USP4: variants seen among roughly 807,000 people sequenced by gnomAD.
USP4 encodes ubiquitin carboxyl-terminal hydrolase 4.
In USP4, 72 loss-of-function variants were observed where a neutral mutation model predicts 118.2. That is an observed-to-expected ratio of 0.61 (90% confidence interval 0.50 to 0.74). USP4 has a LOEUF of 0.74. Ranked by LOEUF, USP4 falls within the 30% of genes least tolerant of loss-of-function variation. The pLI, the probability that USP4 is intolerant of heterozygous loss-of-function variation, is 0.00. For synonymous variants in USP4, 415 were observed against 440.4 expected, an observed-to-expected ratio of 0.94 and a Z score of 0.72; for missense variants, 1,037 against 1,185.7, an observed-to-expected ratio of 0.87 and a Z score of 1.84.
At chr3:49,281,369 T>C (rs1187998494) in intron 19 of USP4, among the ~76,000 whole-genome samples, 3 of 151,566 alleles carry the variant, frequency 2.0e-5, no homozygotes, top group Admixed American at 1.3e-4. Context: ...GGCAGGAGAA[T>C]GGCGTGAACC....
intron 15 of USP4, among the ~76,000 whole-genome samples, 153 bp from the exon 16 acceptor site, chr3:49,286,478 T>C (rs2047091813): frequency 6.6e-6 from 1 of 152,180 alleles, no homozygotes; most frequent in African/African-American, 2.4e-5. Flanking sequence ...TGAATTCACA[T>C]GTGACTCTCA....
intron 12 of USP4, 52 bp from the exon 13 acceptor site, chr3:49,298,016 C>T (rs1320911757): frequency 1.7e-6 from 2 of 1,198,750 alleles, no homozygotes; most frequent in Admixed American, 1.8e-5. Context: ...AGTGCCCCTA[C>T]TAACTGCTTA....
At chr3:49,331,969 C>CAAAA (rs35594824) in intron 2 of USP4, among the ~76,000 whole-genome samples, 1 of 105,870 alleles carries the variant, frequency 9.4e-6, no homozygotes. Flanking sequence ...CCCATCTCTA[C>CAAAA]AAAAAAAAAA....
Position 49,278,248 on chromosome 3 carries a change from G to A in USP4, c.*45C>T, listed in dbSNP as rs1167099086. The A allele has an allele frequency of 2.5e-6, 4 of 1,594,474 alleles. No homozygotes were observed. The South Asian group carries it at 4.5e-5, about 18-fold the overall frequency. ...CAGAGTGTCAAAGATGTTCTCCTGG[G>A]GGATTACACTGGCGCTACAGGGTGG... On this transcript the variant is annotated 3_prime_UTR_variant, in exon 22 of 22. Transcript: ENST00000265560.
Position 49,302,262 on chromosome 3 carries a change from C to T in USP4, c.1287+122G>A. The T allele has an allele frequency of 3.7e-6, 4 of 1,083,440 alleles. No homozygotes were observed. In the South Asian group the frequency reaches 7.1e-5, roughly 19 times the overall value. 67.1% of individuals were successfully genotyped at this position (1,083,440 alleles called of 1,614,324 possible). A position where few individuals can be genotyped will look rare whatever the true frequency, so the allele number is the denominator to read the frequency against. On this transcript the variant is annotated intron_variant, in intron 10 of 21. Transcript: ENST00000265560. ...CCAGAGACCATATCCCTATAACTAG[C>T]TACAGTGAGAAGCAACCAGGGCCCT...
chr3:49,280,020 G>C (rs1245196641), intron 20 of USP4, among the ~76,000 whole-genome samples: 1 of 152,188 alleles, frequency 6.6e-6, no homozygotes, highest in Non-Finnish European at 1.5e-5. Context: ...CCAACACTTT[G>C]GGAGGCCAAG....
intron 13 of USP4, among the ~76,000 whole-genome samples, chr3:49,296,908 G>T (rs1415994441): frequency 1.3e-5 from 2 of 152,200 alleles, no homozygotes; most frequent in Non-Finnish European, 2.9e-5. Flanking sequence ...TGTGAAAGTG[G>T]ACTTTCCCAT....
At chr3:49,329,298 T>C (rs2107801993) in intron 2 of USP4, among the ~76,000 whole-genome samples, 1 of 152,326 alleles carries the variant, frequency 6.6e-6, no homozygotes, top group East Asian at 1.9e-4. Context: ...CCCACTGATG[T>C]CTTGAGCCCG....
chr3:49,296,037 A>C lies in USP4; in HGVS notation c.1692-1439T>G, dbSNP rs537637516. 4.6e-5 allele frequency among the ~76,000 whole-genome samples: 7 copies of C among 152,340 alleles called. No homozygotes were observed. The South Asian group carries it at 1.4e-3, about 32-fold the overall frequency. ...TAGCACAGTGTACAACACATTAAAAAGTAGCAGATGCAGGCCGGGCACAGT... is the reference window on the plus strand; with the variant it reads ...TAGCACAGTGTACAACACATTAAAACGTAGCAGATGCAGGCCGGGCACAGT... On this transcript the variant is annotated intron_variant, in intron 13 of 21. Transcript: ENST00000265560.
intron 7 of USP4, among the ~76,000 whole-genome samples, 199 bp from the exon 8 acceptor site, chr3:49,310,936 TAAGGA>T (rs2047375938): frequency 6.6e-6 from 1 of 152,124 alleles, no homozygotes; most frequent in Non-Finnish European, 1.5e-5. Flanking sequence ...AGCACATCCT[TAAGGA>T]AAGAAACACT....
chr3:49,319,818 G>C (rs1463672000), intron 6 of USP4, among the ~76,000 whole-genome samples: 3 of 151,788 alleles, frequency 2.0e-5, no homozygotes, highest in African/African-American at 7.3e-5. Context: ...GTCTCGCTAT[G>C]TTCACCAGGC....
intron 6 of USP4, among the ~76,000 whole-genome samples, chr3:49,322,676 C>T (rs1010443813): frequency 6.6e-6 from 1 of 151,978 alleles, no homozygotes; most frequent in Non-Finnish European, 1.5e-5. Context: ...GCCTGGCCAA[C>T]ATGGTAAAAC....
In USP4 at chr3:49,277,331, G is replaced by GCGGCTGGCCCCGCGGTGGGAGTGGGGA. The variant is rs2046974111; in HGVS notation, c.*935_*961dup. On this transcript the variant is annotated 3_prime_UTR_variant, in exon 22 of 22. Transcript: ENST00000265560. Reference sequence around the variant, plus strand: ...TTCCTTAAGGCCTTGCCCACACGCAGCGGCTGGCCCCGCGGTGGGAGTGGG... The same window carrying GCGGCTGGCCCCGCGGTGGGAGTGGGGA: ...TTCCTTAAGGCCTTGCCCACACGCAGCGGCTGGCCCCGCGGTGGGAGTGGGGACGGCTGGCCCCGCGGTGGGAGTGGG... 9.8e-7 allele frequency: 1 copy of GCGGCTGGCCCCGCGGTGGGAGTGGGGA among 1,018,850 alleles called. No homozygotes were observed. Among genetic ancestry groups the GCGGCTGGCCCCGCGGTGGGAGTGGGGA allele is most frequent in the East Asian group, 6.6e-5 (1 of 15,078 alleles). 63.1% of individuals were successfully genotyped at this position (1,018,850 alleles called of 1,614,324 possible).
In USP4 at chr3:49,327,827, A is replaced by G; in HGVS notation, c.230-11T>C. Reference sequence around the variant, plus strand: ...TCTGACTCTCAGGATCTAAAAAAGGAAAAGAGCACATAAGTCACTGCTCTT... The same window carrying G: ...TCTGACTCTCAGGATCTAAAAAAGGGAAAGAGCACATAAGTCACTGCTCTT... On this transcript the variant is annotated splice_polypyrimidine_tract_variant and intron_variant, in intron 2 of 21. Transcript: ENST00000265560. 6.2e-7 allele frequency: 1 copy of G among 1,612,076 alleles called. No homozygotes were observed. Among genetic ancestry groups the G allele is most frequent in the South Asian group, 1.1e-5 (1 of 90,994 alleles).
chr3:49,317,804 G>A lies in USP4; in HGVS notation c.696-6150C>T, dbSNP rs1438183027. On this transcript the variant is annotated intron_variant, in intron 6 of 21. Transcript: ENST00000265560. ...CCTGACCTCGTGATCCGCCCGCCTCGGCCTCCCAAAGTGCTGGGATTACAG... is the reference window on the plus strand; with the variant it reads ...CCTGACCTCGTGATCCGCCCGCCTCAGCCTCCCAAAGTGCTGGGATTACAG... Among the ~76,000 whole-genome samples the A allele has an allele frequency of 2.7e-5, 4 of 150,702 alleles. No individual in the cohort carries two copies. The East Asian group carries it at 5.9e-4, about 22-fold the overall frequency.
intron 2 of USP4, among the ~76,000 whole-genome samples, chr3:49,331,063 T>G (rs1318514723): frequency 6.6e-6 from 1 of 151,192 alleles, no homozygotes; most frequent in Non-Finnish European, 1.5e-5. Flanking sequence ...GGCTCACACC[T>G]GTACTCCCAG....
At chr3:49,317,710 T>G (rs2047456009) in intron 6 of USP4, among the ~76,000 whole-genome samples, 1 of 146,980 alleles carries the variant, frequency 6.8e-6, no homozygotes, top group East Asian at 2.0e-4. Context: ...CCCGTGGTGT[T>G]TTTTTTTTTT....
At chr3:49,315,737 A>T (rs1318224993) in intron 6 of USP4, among the ~76,000 whole-genome samples, 1 of 151,968 alleles carries the variant, frequency 6.6e-6, no homozygotes. Context: ...TACAACTCAA[A>T]CGTGTGCCTG....
At chr3:49,332,499 C>T (rs928183643) in intron 2 of USP4, among the ~76,000 whole-genome samples, 1 of 151,456 alleles carries the variant, frequency 6.6e-6, no homozygotes, top group East Asian at 1.9e-4. Flanking sequence ...TCCCCTCTAG[C>T]AGCAAAGAGG....
Sources: gnomAD v4.1 joint callset for allele counts (sites outside exome capture counted in the v4.1 genomes callset) on GRCh38, gnomAD v4.1.1 for gene constraint, MANE v1.5 for transcripts, NCBI Gene and HGNC (gene_info 2026-07-23, HGNC 2026-07-21) for gene names.